ZNF679: variants seen among roughly 807,000 people sequenced by gnomAD.
ZNF679 encodes the protein zinc finger protein 679.
A neutral mutation model predicts 13.4 loss-of-function variants in ZNF679; 10 were observed. The observed-to-expected ratio is 0.75, with a 90% CI of 0.46 to 1.27. ZNF679 has a LOEUF of 1.27. Ranked by LOEUF, ZNF679 falls within the 50% of genes most tolerant of loss-of-function variation. The pLI is 0.00. For synonymous variants in ZNF679, 179 were observed against 162.5 expected (o/e 1.10, Z -0.77); for missense variants, 525 against 477.8 (o/e 1.10, Z -0.92).
At chr7:64,246,411 G>A (rs1320815788) in intron 1 of ZNF679, among the ~76,000 whole-genome samples, 3 of 152,252 alleles carry the variant, frequency 2.0e-5, no homozygotes, top group Middle Eastern at 3.4e-3. Context: ...CGAAGAGTGG[G>A]TTCTTGGATC....
chr7:64,247,098 G>A (rs1031619399), intron 1 of ZNF679, among the ~76,000 whole-genome samples: 8 of 152,206 alleles, frequency 5.3e-5, no homozygotes, highest in Non-Finnish European at 1.2e-4. Context: ...GCATGCTAAT[G>A]CATTATAATT....
At chr7:64,265,831 G>C (rs1389600899) in intron 4 of ZNF679, 65 bp from the exon 5 acceptor site, 1 of 1,515,888 alleles carries the variant, frequency 6.6e-7, no homozygotes, top group African/African-American at 1.4e-5. Flanking sequence ...TTATATATTC[G>C]ATTTGTAAAG....
chr7:64,243,040 G>C (rs1397853121), intron 1 of ZNF679, among the ~76,000 whole-genome samples: 2 of 152,144 alleles, frequency 1.3e-5, no homozygotes, highest in East Asian at 3.9e-4. Context: ...ATTGTCTGCT[G>C]GGTGTGCCTG....
In ZNF679 at chr7:64,264,471, A is replaced by G. The variant is rs188002439; in HGVS notation, c.263-1425A>G. Reference sequence around the variant, plus strand: ...ATATGCATATGTTTTTCAGAAAGTTATATATTTTCATATGATTATGTATTT... The same window carrying G: ...ATATGCATATGTTTTTCAGAAAGTTGTATATTTTCATATGATTATGTATTT... On this transcript the variant is annotated intron_variant, in intron 4 of 4. Coordinates refer to ENST00000421025, the MANE Select transcript of ZNF679 (RefSeq NM_153363.3). 8.5e-5 allele frequency among the ~76,000 whole-genome samples: 13 copies of G among 152,180 alleles called. No individual in the cohort carries two copies. In the East Asian group the frequency reaches 2.5e-3, roughly 29 times the overall value.
chr7:64,242,946 A>G (rs974680193), intron 1 of ZNF679, among the ~76,000 whole-genome samples: 1 of 152,142 alleles, frequency 6.6e-6, no homozygotes, highest in Non-Finnish European at 1.5e-5. Context: ...GGGATGGCCA[A>G]TATTCTAACT....
At chr7:64,264,103 G>T (rs2115616723) in intron 4 of ZNF679, among the ~76,000 whole-genome samples, 1 of 151,810 alleles carries the variant, frequency 6.6e-6, no homozygotes, top group East Asian at 1.9e-4. Context: ...CCTAGTAAAT[G>T]GACTTATTTT....
intron 2 of ZNF679, among the ~76,000 whole-genome samples, chr7:64,252,585 C>T (rs76508218): frequency 2.6e-5 from 4 of 152,038 alleles, no homozygotes; most frequent in Non-Finnish European, 5.9e-5. Flanking sequence ...TTATGGCTGT[C>T]GGAAATGAAT....
chr7:64,257,984 G>A (rs1378765512), intron 2 of ZNF679, among the ~76,000 whole-genome samples: 4 of 152,174 alleles, frequency 2.6e-5, no homozygotes, highest in Non-Finnish European at 5.9e-5. Flanking sequence ...TTCAAGTTAC[G>A]TTCAGGAGAG....
intron 1 of ZNF679, among the ~76,000 whole-genome samples, chr7:64,236,567 C>T (rs1437212727): frequency 6.6e-6 from 1 of 151,898 alleles, no homozygotes; most frequent in East Asian, 1.9e-4. Context: ...GGTGGATCAC[C>T]TAAGGTCAGG....
intron 1 of ZNF679, among the ~76,000 whole-genome samples, chr7:64,230,173 A>G (rs1787617165): frequency 6.6e-6 from 1 of 152,258 alleles, no homozygotes; most frequent in African/African-American, 2.4e-5. Context: ...GGCCACACTC[A>G]GGCAGAAAAA....
At chr7:64,254,386 G>T (rs1479345338) in intron 2 of ZNF679, among the ~76,000 whole-genome samples, 2 of 151,964 alleles carry the variant, frequency 1.3e-5, no homozygotes, top group Non-Finnish European at 2.9e-5. Context: ...CAAAGTGCTA[G>T]AATTACAGGC....
rs528347227 is a variant in ZNF679, at chr7:64,261,432, T to C, written c.262+503T>C. ...TTTTTTATTTTTTAATTTTTATCCA[T>C]GTATTTATTTATTTAGAGGTTGGGT... On this transcript the variant is annotated intron_variant, in intron 4 of 4. Coordinates refer to ENST00000421025, the MANE Select transcript of ZNF679 (RefSeq NM_153363.3). Among the ~76,000 whole-genome samples the C allele has an allele frequency of 2.3e-3, 344 of 152,232 alleles. 2 individuals carry two copies. Among genetic ancestry groups the C allele is most frequent in the Non-Finnish European group, 3.7e-3 (254 of 68,028 alleles).
At chr7:64,257,131 A>G (rs1788014859) in intron 2 of ZNF679, among the ~76,000 whole-genome samples, 1 of 152,142 alleles carries the variant, frequency 6.6e-6, no homozygotes, top group African/African-American at 2.4e-5. Flanking sequence ...GGTTATTTGA[A>G]GTTAGTTTGC....
chr7:64,243,714 A>G (rs11980936), intron 1 of ZNF679, among the ~76,000 whole-genome samples: 40,038 of 152,084 alleles, frequency 0.26, 5,990 homozygotes, highest in Non-Finnish European at 0.34. Context: ...TATATTTCAC[A>G]ATCTAAACTG....
At chr7:64,231,588 C>T (rs1202894139) in intron 1 of ZNF679, among the ~76,000 whole-genome samples, 1 of 152,182 alleles carries the variant, frequency 6.6e-6, no homozygotes, top group Non-Finnish European at 1.5e-5. Context: ...TTCAGTGGGG[C>T]TTGGCCCAGC....
intron 1 of ZNF679, among the ~76,000 whole-genome samples, chr7:64,244,055 G>A (rs1335517798): frequency 6.6e-6 from 1 of 152,106 alleles, no homozygotes; most frequent in Non-Finnish European, 1.5e-5. Context: ...TTCCAAGACA[G>A]CCTGACCAAT....
intron 2 of ZNF679, among the ~76,000 whole-genome samples, chr7:64,255,616 A>ATTT (rs71060570): frequency 6.7e-6 from 1 of 149,488 alleles, no homozygotes; most frequent in Non-Finnish European, 1.5e-5. Context: ...GATTTTTTTT[A>ATTT]TTTTTTTTTT....
chr7:64,250,220 C>G (rs556041682), intron 2 of ZNF679, among the ~76,000 whole-genome samples: 116 of 147,530 alleles, frequency 7.9e-4, no homozygotes, highest in South Asian at 2.4e-3. Flanking sequence ...TAATTGCCTG[C>G]TGTTTAAATA....
intron 1 of ZNF679, among the ~76,000 whole-genome samples, chr7:64,230,034 G>A (rs1761712230): frequency 6.6e-6 from 1 of 152,166 alleles, no homozygotes; most frequent in African/African-American, 2.4e-5. Flanking sequence ...CCAGGCAGGA[G>A]GGTAACATCA....
Sources: gnomAD v4.1 joint callset for allele counts (sites outside exome capture counted in the v4.1 genomes callset) on GRCh38, gnomAD v4.1.1 for gene constraint, MANE v1.5 for transcripts, NCBI Gene and HGNC (gene_info 2026-07-23, HGNC 2026-07-21) for gene names.